Variants in RAB4A observed in about 807,000 individuals in gnomAD.
RAB4A encodes ras-related protein Rab-4A.
RAB4A carries 20 observed loss-of-function variants against 34.5 expected under a neutral mutation model. The observed-to-expected ratio is 0.58, with a 90% CI of 0.41 to 0.84. The LOEUF is 0.84. RAB4A is among the 40% of genes least tolerant of loss of function. The pLI is 0.00. For synonymous variants in RAB4A, 102 were observed against 100.0 expected, an observed-to-expected ratio of 1.02 and a Z score of -0.12; for missense variants, 228 against 274.5, an observed-to-expected ratio of 0.83 and a Z score of 1.20.
chr1:229,285,118 C>T (rs1656888679), intron 1 of RAB4A, among the ~76,000 whole-genome samples: 1 of 152,194 alleles, frequency 6.6e-6, no homozygotes, highest in African/African-American at 2.4e-5. Context: ...GATACACCCT[C>T]CTCAGTGTCG....
chr1:229,302,310 T>TATATATATATATATA (rs1553302348), intron 6 of RAB4A, among the ~76,000 whole-genome samples: 1 of 16,094 alleles, frequency 6.2e-5, no homozygotes, highest in Non-Finnish European at 1.2e-4. Context: ...TATATATATA[T>TATATATATATATATA]TTTTTTTTTT....
intron 5 of RAB4A, among the ~76,000 whole-genome samples, chr1:229,298,301 G>A (rs1657297121): frequency 6.6e-6 from 1 of 152,096 alleles, no homozygotes. Flanking sequence ...ATAAACATGA[G>A]AGAAATCCAT....
At chr1:229,303,224 G>A (rs185815207) in intron 7 of RAB4A, among the ~76,000 whole-genome samples, 16 of 152,106 alleles carry the variant, frequency 1.1e-4, no homozygotes, top group African/African-American at 2.7e-4. Flanking sequence ...TTAGCCAGGC[G>A]TGGTGGCGTG....
At chr1:229,302,272 TATATATATATATATATATATA>T (rs1657405046) in intron 6 of RAB4A, among the ~76,000 whole-genome samples, 1 of 12,072 alleles carries the variant, frequency 8.3e-5, no homozygotes, top group African/African-American at 4.8e-4. Context: ...TATATATATA[TATATATATATATATATATATA>T]TATATATATA....
intron 5 of RAB4A, among the ~76,000 whole-genome samples, chr1:229,298,114 A>C (rs1310640480): frequency 6.6e-6 from 1 of 152,242 alleles, no homozygotes; most frequent in Non-Finnish European, 1.5e-5. Context: ...AGAATACATG[A>C]AAATGCCACA....
At chr1:229,302,285 ATATATATATATATATATATATATAT>A (rs1255311880) in intron 6 of RAB4A, among the ~76,000 whole-genome samples, 14 of 20,160 alleles carry the variant, frequency 6.9e-4, no homozygotes, top group Admixed American at 1.0e-3. Flanking sequence ...ATATATATAT[ATATATATATATATATATATATATAT>A]TTTTTTTTTT....
chr1:229,296,393 CATG>C (rs1406897367), intron 4 of RAB4A, among the ~76,000 whole-genome samples: 1 of 152,210 alleles, frequency 6.6e-6, no homozygotes, highest in Non-Finnish European at 1.5e-5. Flanking sequence ...GTAATAATCA[CATG>C]ATCCTCAGGA....
At chr1:229,278,975 A>G (rs567548467) in intron 1 of RAB4A, among the ~76,000 whole-genome samples, 10 of 152,300 alleles carry the variant, frequency 6.6e-5, no homozygotes, top group African/African-American at 2.2e-4. Context: ...GCTTACAGGT[A>G]TTTTCAACTT....
intron 1 of RAB4A, among the ~76,000 whole-genome samples, chr1:229,276,981 T>C (rs139461204): frequency 6.8e-6 from 1 of 146,940 alleles, no homozygotes; most frequent in East Asian, 1.9e-4. Context: ...AAGAACTATA[T>C]ATCTATATAT....
chr1:229,302,297 A>ATT (rs1657424344), intron 6 of RAB4A, among the ~76,000 whole-genome samples: 2 of 28,378 alleles, frequency 7.0e-5, no homozygotes, highest in African/African-American at 3.0e-4. Flanking sequence ...ATATATATAT[A>ATT]TATATATATA....
intron 1 of RAB4A, among the ~76,000 whole-genome samples, chr1:229,276,344 C>T (rs1290670496): frequency 6.6e-6 from 1 of 151,370 alleles, no homozygotes; most frequent in African/African-American, 2.5e-5. Flanking sequence ...TGCTCGAGAA[C>T]TTTGAAAGCA....
chr1:229,284,893 G>A (rs150747324), intron 1 of RAB4A, among the ~76,000 whole-genome samples: 43 of 152,030 alleles, frequency 2.8e-4, no homozygotes, highest in African/African-American at 8.4e-4. Flanking sequence ...TGTCTCTTGA[G>A]TTCTTTTATA....
At chr1:229,282,175 C>G (rs913203671) in intron 1 of RAB4A, among the ~76,000 whole-genome samples, 9 of 151,776 alleles carry the variant, frequency 5.9e-5, no homozygotes, top group Non-Finnish European at 1.2e-4. Flanking sequence ...CTTCATTTAC[C>G]CTTTATTCCA....
intron 1 of RAB4A, among the ~76,000 whole-genome samples, chr1:229,281,828 A>ATATATC (rs1240057932): frequency 2.1e-5 from 3 of 140,682 alleles, no homozygotes; most frequent in Admixed American, 6.9e-5. Flanking sequence ...ATATATATAT[A>ATATATC]TATATATATA....
chr1:229,289,850 G>T (rs1461054417), intron 3 of RAB4A, among the ~76,000 whole-genome samples: 1 of 152,106 alleles, frequency 6.6e-6, no homozygotes, highest in South Asian at 2.1e-4. Flanking sequence ...TTCAATAATT[G>T]CTTCAAAAAT....
intron 2 of RAB4A, among the ~76,000 whole-genome samples, 191 bp from the exon 3 acceptor site, chr1:229,288,538 T>C (rs1458348863): frequency 6.6e-6 from 1 of 152,236 alleles, no homozygotes; most frequent in Non-Finnish European, 1.5e-5. Flanking sequence ...TATGTCTCTT[T>C]GAGAATAGGG....
chr1:229,285,855 A>G (rs1183245136), intron 1 of RAB4A, among the ~76,000 whole-genome samples: 2 of 152,266 alleles, frequency 1.3e-5, no homozygotes, highest in Non-Finnish European at 2.9e-5. Flanking sequence ...TTTCCATTTT[A>G]TAAAAAATAA....
At chr1:229,301,050 AAC>A (rs1281913984) in intron 6 of RAB4A, among the ~76,000 whole-genome samples, 4 of 152,180 alleles carry the variant, frequency 2.6e-5, no homozygotes, top group Non-Finnish European at 5.9e-5. Flanking sequence ...TGAGCTGAAA[AAC>A]ACACATTGGG....
chr1:229,275,684 A>G (rs1656624430), intron 1 of RAB4A, among the ~76,000 whole-genome samples: 1 of 148,890 alleles, frequency 6.7e-6, no homozygotes, highest in East Asian at 2.0e-4. Context: ...GCAGTGGCAC[A>G]ATCTCGGCTC....
Sources: allele counts gnomAD v4.1 joint callset (sites outside exome capture counted in the v4.1 genomes callset), GRCh38; gene constraint gnomAD v4.1.1; transcripts MANE v1.5; gene names NCBI Gene and HGNC (gene_info 2026-07-23, HGNC 2026-07-21).